The following VPS13D variants were observed in gnomAD, a reference collection of about 807,000 sequenced individuals.
VPS13D encodes vacuolar protein sorting 13 homolog D.
VPS13D carries 187 observed loss-of-function variants against 461.9 expected under a neutral mutation model. The observed-to-expected ratio is 0.40, with a 90% CI of 0.36 to 0.46. The LOEUF (loss-of-function observed/expected upper bound fraction) is 0.46, where lower values mean the gene tolerates loss of function less well. VPS13D is among the 20% of genes least tolerant of loss of function. VPS13D has a pLI of 0.60. For synonymous variants in VPS13D, 1,951 were observed against 1,986.3 expected, an observed-to-expected ratio of 0.98 and a Z score of 0.47; for missense variants, 4,711 against 5,364.9, an observed-to-expected ratio of 0.88 and a Z score of 3.81.
intron 65 of VPS13D, among the ~76,000 whole-genome samples, chr1:12,418,136 G>C (rs1281787502): frequency 1.3e-5 from 2 of 152,146 alleles, no homozygotes; most frequent in African/African-American, 4.8e-5. Context: ...TCGAACTCCT[G>C]ACCTCAAGTG....
At chr1:12,372,182 T>C (rs1424041312) in intron 54 of VPS13D, among the ~76,000 whole-genome samples, 2 of 152,156 alleles carry the variant, frequency 1.3e-5, no homozygotes, top group African/African-American at 4.8e-5. Context: ...GCCTCTCTCA[T>C]AGCTGGGACT....
intron 6 of VPS13D, 122 bp from the exon 7 acceptor site, chr1:12,253,600 A>G (rs1239387418): frequency 2.8e-6 from 2 of 719,074 alleles, no homozygotes; most frequent in Admixed American, 4.7e-5. Flanking sequence ...TAATTGAGTT[A>G]TATGTCCACA....
intron 65 of VPS13D, among the ~76,000 whole-genome samples, chr1:12,450,048 A>G (rs1451026446): frequency 6.6e-6 from 1 of 152,140 alleles, no homozygotes. Context: ...GCTTGAACCC[A>G]GGAGGTGGAG....
chr1:12,237,175 T>C (rs1380857185), intron 2 of VPS13D, among the ~76,000 whole-genome samples: 1 of 151,968 alleles, frequency 6.6e-6, no homozygotes, highest in Non-Finnish European at 1.5e-5. Context: ...CATCCACATA[T>C]GAAAAGTAAC....
At chr1:12,343,228 G>A (rs1643609298) in intron 42 of VPS13D, among the ~76,000 whole-genome samples, 177 bp downstream of exon 42, 2 of 151,532 alleles carry the variant, frequency 1.3e-5, no homozygotes, top group African/African-American at 2.4e-5. Flanking sequence ...AGGCTGGAGT[G>A]CAGTGGCACG....
rs750155296 is a variant in VPS13D, at chr1:12,271,129, G to A, written c.2103+5G>A. On this transcript the variant is annotated splice_donor_5th_base_variant and intron_variant, in intron 17 of 69. Transcript: ENST00000620676. Reference sequence around the variant, plus strand: ...TTGCTAGTGGGTGATTTCATTGTAAGTGGGCATCCATAAACACTCTTTGGG... The same window carrying A: ...TTGCTAGTGGGTGATTTCATTGTAAATGGGCATCCATAAACACTCTTTGGG... 2 of 1,613,974 alleles carry A rather than the reference G, an allele frequency of 1.2e-6. No individual in the cohort carries two copies. The highest frequency in any genetic ancestry group is 3.3e-5 in the Admixed American group (2 of 60,004).
chr1:12,271,868 A>G (rs571139319), intron 17 of VPS13D, among the ~76,000 whole-genome samples: 1 of 152,236 alleles, frequency 6.6e-6, no homozygotes, highest in Admixed American at 6.5e-5. Context: ...AGGATGCCAT[A>G]GATAGGGAGG....
At chr1:12,235,139 G>A (rs1366732603) in intron 2 of VPS13D, among the ~76,000 whole-genome samples, 1 of 152,218 alleles carries the variant, frequency 6.6e-6, no homozygotes, top group Non-Finnish European at 1.5e-5. Context: ...CATAGGAAAT[G>A]GGAAGGAGAC....
At chr1:12,292,227 A>G (rs889215657) in intron 23 of VPS13D, among the ~76,000 whole-genome samples, 2 of 133,844 alleles carry the variant, frequency 1.5e-5, no homozygotes, top group Non-Finnish European at 3.0e-5. Context: ...CCACTGCACC[A>G]CTCCAGCCTG....
chr1:12,260,616 C>T (rs1641076545), intron 10 of VPS13D, 77 bp from the exon 11 acceptor site: 3 of 1,220,778 alleles, frequency 2.5e-6, no homozygotes, highest in Admixed American at 3.8e-5. Context: ...CTTTTAGTGG[C>T]TTGTGAGGGT....
At chr1:12,253,582 G>A (rs921601190) in intron 6 of VPS13D, 140 bp from the exon 7 acceptor site, 10 of 637,058 alleles carry the variant, frequency 1.6e-5, no homozygotes, top group Middle Eastern at 7.3e-4. Flanking sequence ...AAGAGCAGAA[G>A]CATGTTTTAA....
chr1:12,507,455 G>C lies in VPS13D; in HGVS notation c.13035+362G>C. The stretch of plus-strand genomic sequence containing the variant: ...ATGGGATTCTTCAGTGCACCAAATC[G>C]AAGAAAGCACTGGAGCTCACGCTGG... On this transcript the variant is annotated intron_variant, in intron 69 of 69. Transcript: ENST00000620676. The surrounding 1 kb of genome is among the most constrained non-coding windows in gnomAD (Gnocchi z 5.3). The C allele has an allele frequency of 8.3e-6, 4 of 481,654 alleles. No individual in the cohort carries two copies. The highest frequency in any genetic ancestry group is 6.5e-5 in the South Asian group (4 of 61,474). 29.8% of individuals were successfully genotyped at this position (481,654 alleles called of 1,614,324 possible).
intron 54 of VPS13D, among the ~76,000 whole-genome samples, chr1:12,372,177 T>G (rs1163701849): frequency 6.6e-6 from 1 of 152,094 alleles, no homozygotes; most frequent in Non-Finnish European, 1.5e-5. Context: ...CTTCAGCCTC[T>G]CTCATAGCTG....
At chr1:12,280,136 C>CT (rs942713358) in intron 20 of VPS13D, among the ~76,000 whole-genome samples, 16 of 152,136 alleles carry the variant, frequency 1.1e-4, no homozygotes, top group African/African-American at 3.4e-4. Context: ...TACACCTTTT[C>CT]TTTTTTTTCC....
At chr1:12,325,154 G>T (rs1395907063) in intron 35 of VPS13D, among the ~76,000 whole-genome samples, 1 of 152,036 alleles carries the variant, frequency 6.6e-6, no homozygotes, top group Non-Finnish European at 1.5e-5. Flanking sequence ...TAGCTGTGGC[G>T]CAATCATAGC....
chr1:12,299,405 T>G lies in VPS13D; in HGVS notation c.6216+21T>G, dbSNP rs2101456190. The G allele has an allele frequency of 6.3e-7, 1 of 1,583,848 alleles. No individual in the cohort carries two copies. Among genetic ancestry groups the G allele is most frequent in the South Asian group, 1.2e-5 (1 of 85,188 alleles). ...ATAAGGTGAGCAATCAGTATCCATT[T>G]CCTTTTCCGTTCAGCTAGTATTTGA... On this transcript the variant is annotated intron_variant, in intron 25 of 69. Coordinates refer to ENST00000620676, the MANE Select transcript of VPS13D (RefSeq NM_015378.4). The surrounding 1 kb of genome is among the most constrained non-coding windows in gnomAD (Gnocchi z 4.2).
chr1:12,338,287 C>T lies in VPS13D; in HGVS notation c.8608C>T (p.His2870Tyr), dbSNP rs1643493844. 1.2e-6 allele frequency: 2 copies of T among 1,613,748 alleles called. No individual in the cohort carries two copies. The highest frequency in any genetic ancestry group is 1.7e-4 in the Middle Eastern group (1 of 6,060). The change falls in exon 40 of 70, where the codon CAC (histidine) becomes TAC (tyrosine). Residue 2870 changes from histidine (H) to tyrosine (Y), a missense_variant. Physicochemically the swap from His to Tyr is moderately conservative, Grantham distance 83 (BLOSUM62 2). This residue lies in a region of VPS13D where 4,411 missense variants were observed against 4,937.8 expected (regional missense o/e 0.89). Transcript: ENST00000620676. ...TACAGCCAGTCTGACTAACCTAGAG[C>T]ACCAGATCTATGCTAGAGGTACAGT... ...RSTASLTNLEHQIYARAEVKT... is the reference protein window; with the variant it reads ...RSTASLTNLEYQIYARAEVKT...
intron 18 of VPS13D, 45 bp from the exon 19 acceptor site, chr1:12,275,780 G>A: frequency 3.3e-6 from 5 of 1,513,014 alleles, no homozygotes; most frequent in Non-Finnish European, 4.4e-6. Flanking sequence ...GAAAGAGGAG[G>A]GAAATAGCAG....
At chr1:12,255,506 G>A (rs1238664679) in intron 7 of VPS13D, among the ~76,000 whole-genome samples, 1 of 152,116 alleles carries the variant, frequency 6.6e-6, no homozygotes, top group Non-Finnish European at 1.5e-5. Context: ...CTCTGAGGAG[G>A]TAAGTGGGTG....
Sources: allele counts gnomAD v4.1 joint callset (sites outside exome capture counted in the v4.1 genomes callset), GRCh38; gene constraint gnomAD v4.1.1; regional missense constraint gnomAD v4.1.1; non-coding constraint Gnocchi (gnomAD v3.1); transcripts MANE v1.5; gene names NCBI Gene and HGNC (gene_info 2026-07-23, HGNC 2026-07-21).